Variants in CPNE4 observed in about 807,000 individuals in gnomAD.
The protein encoded by CPNE4 is copine 4, also known as copine-4.
CPNE4 carries 25 observed loss-of-function variants against 67.9 expected under a neutral mutation model. The observed-to-expected ratio is 0.37, with a 90% CI of 0.27 to 0.51. The LOEUF is 0.51. Ranked by LOEUF, CPNE4 falls within the 20% of genes least tolerant of loss-of-function variation. CPNE4 has a pLI of 0.93. For missense variants in CPNE4, 464 were observed against 690.8 expected, an observed-to-expected ratio of 0.67 and a Z score of 3.68; for synonymous variants, 242 against 244.9, an observed-to-expected ratio of 0.99 and a Z score of 0.11.
At chr3:131,860,362 G>A (rs2086625597) in intron 2 of CPNE4, among the ~76,000 whole-genome samples, 1 of 152,126 alleles carries the variant, frequency 6.6e-6, no homozygotes, top group Non-Finnish European at 1.5e-5. Flanking sequence ...AAAGGGACAA[G>A]ACATGAAAAA....
At chr3:131,609,467 A>G (rs1027345907) in intron 7 of CPNE4, among the ~76,000 whole-genome samples, 2 of 152,096 alleles carry the variant, frequency 1.3e-5, no homozygotes, top group Non-Finnish European at 2.9e-5. Context: ...CACCAGCTGG[A>G]GGTGTGAGAC....
rs1553772420 is a variant in CPNE4, at chr3:131,792,892, AGTGT to A, written c.181-69271_181-69268del. 9.0e-4 allele frequency among the ~76,000 whole-genome samples: 115 copies of A among 127,940 alleles called. 2 individuals carry two copies. Among genetic ancestry groups the A allele is most frequent in the South Asian group, 3.2e-3 (12 of 3,752 alleles). The allele number at this position is 127,940 out of a possible 152,430, so 83.9% of individuals were successfully genotyped here. On this transcript the variant is annotated intron_variant, in intron 2 of 15. Transcript: ENST00000429747. ...ATATATTTACAGTGTAGGTATTTCC[AGTGT>A]GTGTGTGTGTGTGTGTGTGTGTGTG...
At chr3:131,718,729 G>T (rs2081805142) in intron 3 of CPNE4, among the ~76,000 whole-genome samples, 1 of 152,134 alleles carries the variant, frequency 6.6e-6, no homozygotes, top group Non-Finnish European at 1.5e-5. Context: ...ACCAGTCTGT[G>T]TTTCTCAGAT....
At chr3:131,539,540 G>C (rs1559863269) in intron 15 of CPNE4, among the ~76,000 whole-genome samples, 1 of 152,206 alleles carries the variant, frequency 6.6e-6, no homozygotes, top group African/African-American at 2.4e-5. Context: ...GTGGATCCAT[G>C]GTTCTATCAT....
At chr3:131,979,927 A>G (rs2072863292) in intron 1 of CPNE4, among the ~76,000 whole-genome samples, 2 of 152,084 alleles carry the variant, frequency 1.3e-5, no homozygotes, top group Admixed American at 6.6e-5. Flanking sequence ...CTGTCTGAAA[A>G]AGACTATATT....
intron 2 of CPNE4, among the ~76,000 whole-genome samples, chr3:131,767,573 G>T (rs975084631): frequency 2.0e-5 from 3 of 151,976 alleles, no homozygotes; most frequent in Admixed American, 2.0e-4. Flanking sequence ...TTTGGGCAAG[G>T]AGAGGACACT....
At chr3:131,834,756 A>G (rs1355237468) in intron 2 of CPNE4, among the ~76,000 whole-genome samples, 4 of 152,202 alleles carry the variant, frequency 2.6e-5, no homozygotes, top group Admixed American at 2.0e-4. Flanking sequence ...TTTATGCAAA[A>G]TAATGAAAAC....
chr3:131,541,354 A>G (rs1935475946), intron 15 of CPNE4, among the ~76,000 whole-genome samples: 1 of 152,080 alleles, frequency 6.6e-6, no homozygotes, highest in African/African-American at 2.4e-5. Flanking sequence ...ATGTATCAAA[A>G]CCTGGGAAGG....
chr3:131,705,214 G>A (rs1231821588), intron 3 of CPNE4, among the ~76,000 whole-genome samples: 1 of 152,072 alleles, frequency 6.6e-6, no homozygotes, highest in African/African-American at 2.4e-5. Context: ...GACCAAGAAG[G>A]ACTTTATCCT....
At chr3:131,544,960 AG>A (rs748016706) in intron 14 of CPNE4, among the ~76,000 whole-genome samples, 15 of 152,242 alleles carry the variant, frequency 9.9e-5, no homozygotes, top group Non-Finnish European at 2.1e-4. Flanking sequence ...ACAACCTGAT[AG>A]TCATACTACC....
intron 2 of CPNE4, among the ~76,000 whole-genome samples, chr3:131,824,279 T>G (rs1456059109): frequency 6.6e-6 from 1 of 152,200 alleles, no homozygotes; most frequent in Non-Finnish European, 1.5e-5. Context: ...GATATCTTTC[T>G]TGTTATCTGA....
intron 2 of CPNE4, among the ~76,000 whole-genome samples, chr3:131,737,564 A>G (rs1433135115): frequency 6.6e-6 from 1 of 152,158 alleles, no homozygotes; most frequent in African/African-American, 2.4e-5. Flanking sequence ...ATTGATGTTT[A>G]TTGCATGCCT....
At chr3:131,758,463 C>G (rs2107809048) in intron 2 of CPNE4, among the ~76,000 whole-genome samples, 2 of 152,252 alleles carry the variant, frequency 1.3e-5, no homozygotes, top group South Asian at 4.1e-4. Context: ...ATACCTGTAC[C>G]TCCATTGTAT....
At position 131,615,436 on chromosome 3, in the gene CPNE4, C is replaced by A. The variant is rs568587508; in HGVS notation, c.682-27854G>T. On this transcript the variant is annotated intron_variant, in intron 7 of 15. Coordinates refer to ENST00000429747, the MANE Select transcript of CPNE4 (RefSeq NM_130808.3). Reference sequence around the variant, plus strand: ...CTTGAACGTGTGTACTTCATTCTAACAGATGATGCTTAGAAGTTATGCCAC... The same window carrying A: ...CTTGAACGTGTGTACTTCATTCTAAAAGATGATGCTTAGAAGTTATGCCAC... 4.6e-5 allele frequency among the ~76,000 whole-genome samples: 7 copies of A among 152,282 alleles called. No individual in the cohort carries two copies. The East Asian group carries it at 1.3e-3, about 29-fold the overall frequency.
intron 2 of CPNE4, among the ~76,000 whole-genome samples, chr3:131,828,726 G>A (rs934548976): frequency 3.9e-5 from 6 of 152,094 alleles, no homozygotes; most frequent in Non-Finnish European, 8.8e-5. Flanking sequence ...ATAGCCACTT[G>A]GGAGCCTGAG....
intron 1 of CPNE4, among the ~76,000 whole-genome samples, chr3:131,923,704 C>CAAAAAAAAAAAAAAAAAAAAAAA (rs3041574): frequency 2.5e-5 from 1 of 39,284 alleles, no homozygotes. Context: ...GACTCCGTCT[C>CAAAAAAAAAAAAAAAAAAAAAAA]AAAAAAAAAA....
In CPNE4 at chr3:131,953,238, T is replaced by TAA. The variant is rs369308316; in HGVS notation, c.-1-47795_-1-47794insTT. Among the ~76,000 whole-genome samples the TAA allele has an allele frequency of 8.3e-3, 629 of 75,614 alleles. 17 individuals are homozygous for TAA. The highest frequency in any genetic ancestry group is 0.011 in the African/African-American group (214 of 20,132). 49.6% of individuals were successfully genotyped at this position (75,614 alleles called of 152,430 possible). A position where few individuals can be genotyped will look rare whatever the true frequency, so the allele number is the denominator to read the frequency against. On this transcript the variant is annotated intron_variant, in intron 1 of 15. Coordinates refer to ENST00000429747, the MANE Select transcript of CPNE4 (RefSeq NM_130808.3). ...GTGAGAAACACCCAAGAATGATCAATTAAAAAAAAAAAAAAAAAAAAAAAA... is the reference window on the plus strand; with the variant it reads ...GTGAGAAACACCCAAGAATGATCAATAATAAAAAAAAAAAAAAAAAAAAAAAA...
At position 131,891,732 on chromosome 3, in the gene CPNE4, C is replaced by T. The variant is rs550403859; in HGVS notation, c.180+13532G>A. 1.5e-4 allele frequency among the ~76,000 whole-genome samples: 23 copies of T among 152,118 alleles called. 1 individual carries two copies. The East Asian group carries it at 1.9e-3, about 13-fold the overall frequency. On this transcript the variant is annotated intron_variant, in intron 2 of 15. Transcript: ENST00000429747. The stretch of plus-strand genomic sequence containing the variant: ...GGATAATAGTCTCCAGCTTTATCCA[C>T]GCTTCTGCAAAGGACATAACCTTAT...
At chr3:131,846,226 G>C (rs1560452070) in intron 2 of CPNE4, among the ~76,000 whole-genome samples, 2 of 152,100 alleles carry the variant, frequency 1.3e-5, no homozygotes, top group Non-Finnish European at 2.9e-5. Context: ...GAAGTTCTTG[G>C]CACTTAGTAA....
Sources: allele counts gnomAD v4.1 joint callset (sites outside exome capture counted in the v4.1 genomes callset), GRCh38; gene constraint gnomAD v4.1.1; transcripts MANE v1.5; gene names NCBI Gene and HGNC (gene_info 2026-07-23, HGNC 2026-07-21).